Variants in TEX55 observed in about 807,000 individuals in gnomAD.
TEX55 encodes the protein testis expressed 55, also known as testis-specific expressed protein 55.
In TEX55, 31 loss-of-function variants were observed where a neutral mutation model predicts 44.6. The ratio of observed to expected loss-of-function variants is 0.69; its 90% CI spans 0.52 to 0.94. The LOEUF is 0.94. Among genes scored for constraint, TEX55 ranks in the 40% least tolerant of loss-of-function variants. The probability of loss-of-function intolerance (pLI) is 0.00; values close to 1 mark genes in which losing one functional copy is unlikely to be tolerated. For synonymous variants in TEX55, 230 were observed against 230.9 expected (o/e 1.00, Z 0.04); for missense variants, 639 against 638.4 (o/e 1.00, Z -0.01).
chr3:119,146,193 G>C lies in TEX55; in HGVS notation c.4G>C (p.Glu2Gln). The change falls in exon 1 of 3, where the codon GAA becomes CAA. Residue 2 changes from glutamate to glutamine, a missense_variant. Physicochemically the swap from Glu to Gln is conservative, Grantham distance 29. Coordinates refer to ENST00000295622, the MANE Select transcript of TEX55 (RefSeq NM_152539.3). ...CCAGTCAGGGACGCGGCAGGAAATG[G>C]AAGAGCCTCCGCAAGAGGCTCTGGC... M[E>Q]EPPQEALAEP... 1 of 1,600,498 alleles carries C rather than the reference G, an allele frequency of 6.2e-7. No homozygotes were observed.
Position 119,146,485 on chromosome 3 carries a change from A to G in TEX55, c.296A>G (p.Asp99Gly), listed in dbSNP as rs11550908. 214,130 of 1,613,942 alleles carry G rather than the reference A, an allele frequency of 0.13. 14,877 individuals are homozygous for G. The highest frequency in any genetic ancestry group is 0.24 in the East Asian group (10,777 of 44,872). The change falls in exon 1 of 3, where the codon GAC becomes GGC. Residue 99 changes from aspartate (D) to glycine (G), a missense_variant. Asp to Gly is a moderately conservative substitution (Grantham distance 94). Coordinates refer to ENST00000295622, the MANE Select transcript of TEX55 (RefSeq NM_152539.3). ...GCATCCAACCCTGCTGATGTTTCTG[A>G]CCTTAGAGCAGATGATCAGGTTAAT... The part of the protein sequence containing the change: ...RRASNPADVS[D>G]LRADDQVNQT...
In TEX55 at chr3:119,151,259, G is replaced by A. The variant is rs765126215; in HGVS notation, c.1578G>A (p.Glu526=). Residue 526 remains glutamate (E), a synonymous_variant, in exon 3 of 3, where the codon GAG becomes GAA. Coordinates refer to ENST00000295622, the MANE Select transcript of TEX55 (RefSeq NM_152539.3). ...ITENLVYEKP[E]DPLNFMLCQV ...AAAACTTAGTCTATGAAAAGCCAGA[G>A]GACCCCCTGAATTTTATGCTGTGCC... 6.2e-7 allele frequency: 1 copy of A among 1,612,932 alleles called. No homozygotes were observed. Among genetic ancestry groups the A allele is most frequent in the East Asian group, 2.2e-5 (1 of 44,866 alleles).
In TEX55 at chr3:119,147,071, G is replaced by A. The variant is rs1308328123; in HGVS notation, c.882G>A (p.Leu294=). 11 of 1,614,196 alleles carry A rather than the reference G, an allele frequency of 6.8e-6. No homozygotes were observed. The highest frequency in any genetic ancestry group is 8.5e-6 in the Non-Finnish European group (10 of 1,180,028). ...PGTSEQTDLR[L]YGLVDHKTSV... ...CTTCTGAGCAGACTGACCTCAGATT[G>A]TATGGCCTCGTTGACCACAAAACAT... Residue 294 remains leucine (L), a synonymous_variant, in exon 1 of 3, where the codon TTG becomes TTA. Transcript: ENST00000295622.
rs141516225 is a variant in TEX55 at position 119,147,161 on chromosome 3, C to T, written c.972C>T (p.Asp324=). 104 of 1,614,066 alleles carry T rather than the reference C, an allele frequency of 6.4e-5. No homozygotes were observed. In the Middle Eastern group the frequency reaches 2.3e-3, roughly 36 times the overall value. Residue 324 remains aspartate, a synonymous_variant, in exon 1 of 3, where the codon GAC becomes GAT. Coordinates refer to ENST00000295622, the MANE Select transcript of TEX55 (RefSeq NM_152539.3). ...ATELAEHQAI[D]QAHSNADQPP... Reference sequence around the variant, plus strand: ...AACTAGCTGAACACCAGGCTATTGACCAAGCTCATAGTAATGCTGATCAAC... The same window carrying T: ...AACTAGCTGAACACCAGGCTATTGATCAAGCTCATAGTAATGCTGATCAAC...
intron 2 of TEX55, 53 bp from the exon 3 acceptor site, chr3:119,151,171 C>T (rs2077777668): frequency 1.8e-6 from 2 of 1,104,112 alleles, no homozygotes; most frequent in Admixed American, 3.7e-5. Flanking sequence ...TATAACCTGA[C>T]CACATAATTT....
chr3:119,147,583 A>C lies in TEX55; in HGVS notation c.1394A>C (p.Lys465Thr), dbSNP rs752354946. The change falls in exon 1 of 3, where the codon AAA (lysine) becomes ACA (threonine). Residue 465 changes from lysine to threonine, a missense_variant. Lys to Thr is a moderately conservative substitution (Grantham distance 78). Coordinates refer to ENST00000295622, the MANE Select transcript of TEX55 (RefSeq NM_152539.3). ...GAAAAAACTCAAGCCATAGTAACCA[A>C]ATCTGTAAGTTAAATGGGCATTTGA... The part of the protein sequence containing the change: ...SQEKTQAIVT[K>T]SDEFSEIDQG... 6.2e-7 allele frequency: 1 copy of C among 1,611,060 alleles called. No individual in the cohort carries two copies. The highest frequency in any genetic ancestry group is 8.5e-7 in the Non-Finnish European group (1 of 1,178,554).
chr3:119,148,917 A>G (rs916227665), intron 2 of TEX55, among the ~76,000 whole-genome samples: 2 of 152,230 alleles, frequency 1.3e-5, no homozygotes, highest in Admixed American at 1.3e-4. Context: ...AGAGATAAAA[A>G]TGGTACACCT....
chr3:119,151,299 A>T lies in TEX55; in HGVS notation c.*7A>T. The T allele has an allele frequency of 6.2e-7, 1 of 1,611,924 alleles. No individual in the cohort carries two copies. The highest frequency in any genetic ancestry group is 8.5e-7 in the Non-Finnish European group (1 of 1,178,380). Reference sequence around the variant, plus strand: ...TATGCTGTGCCAGGTATAGAATTGGAGAAAAAGAACAACCTTTTTATTCTC... The same window carrying T: ...TATGCTGTGCCAGGTATAGAATTGGTGAAAAAGAACAACCTTTTTATTCTC... On this transcript the variant is annotated 3_prime_UTR_variant, in exon 3 of 3. Coordinates refer to ENST00000295622, the MANE Select transcript of TEX55 (RefSeq NM_152539.3).
At position 119,146,881 on chromosome 3, in the gene TEX55, C is replaced by T. The variant is rs1448812891; in HGVS notation, c.692C>T (p.Ser231Phe). Residue 231 changes from serine (S) to phenylalanine (F), a missense_variant, in exon 1 of 3, where the codon TCC becomes TTC. Transcript: ENST00000295622. ...RPSVQIDSGS[S>F]VPSDQSPSVQ... The stretch of plus-strand genomic sequence containing the variant: ...TCTGTGCAGATTGACAGTGGGTCAT[C>T]CGTCCCATCTGACCAAAGTCCTTCT... The T allele has an allele frequency of 6.2e-7, 1 of 1,614,132 alleles. No individual in the cohort carries two copies. The highest frequency in any genetic ancestry group is 1.3e-5 in the African/African-American group (1 of 75,028).
Position 119,146,491 on chromosome 3 carries a change from G to C in TEX55, c.302G>C (p.Arg101Thr). 2 of 1,614,084 alleles carry C rather than the reference G, an allele frequency of 1.2e-6. No homozygotes were observed. Among genetic ancestry groups the C allele is most frequent in the Middle Eastern group, 1.6e-4 (1 of 6,062 alleles). ...AACCCTGCTGATGTTTCTGACCTTA[G>C]AGCAGATGATCAGGTTAATCAAACA... ...ASNPADVSDL[R>T]ADDQVNQTPS... is the part of the protein sequence containing the mutation. The change falls in exon 1 of 3, where the codon AGA becomes ACA. Residue 101 changes from arginine (R) to threonine (T), a missense_variant. Coordinates refer to ENST00000295622, the MANE Select transcript of TEX55 (RefSeq NM_152539.3).
At chr3:119,148,438 TAGTTACCATA>T in intron 2 of TEX55, 115 bp downstream of exon 2, 1 of 968,390 alleles carries the variant, frequency 1.0e-6, no homozygotes, top group Non-Finnish European at 1.5e-6. Context: ...CATTAAGATG[TAGTTACCATA>T]AGTAGTAAAT....
intron 2 of TEX55, among the ~76,000 whole-genome samples, chr3:119,148,689 A>G (rs9831616): frequency 0.17 from 25,579 of 152,258 alleles, 2,627 homozygotes; most frequent in Non-Finnish European, 0.24. Flanking sequence ...TGAAACATGC[A>G]TCATTAGGCA....
Position 119,146,272 on chromosome 3 carries a change from A to G in TEX55, c.83A>G (p.Lys28Arg), listed in dbSNP as rs1365391033. Residue 28 changes from lysine to arginine, a missense_variant, in exon 1 of 3, where the codon AAG (lysine) becomes AGG (arginine). Lys to Arg is a conservative substitution (Grantham distance 26). Transcript: ENST00000295622. Reference protein sequence around the residue: ...PAAPSSAGHTKGQEEDDQKNQ... With the variant: ...PAAPSSAGHTRGQEEDDQKNQ... ...GCTCCCTCAAGTGCTGGCCACACTAAGGGCCAGGAAGAAGACGACCAGAAG... is the reference window on the plus strand; with the variant it reads ...GCTCCCTCAAGTGCTGGCCACACTAGGGGCCAGGAAGAAGACGACCAGAAG... 1.9e-6 allele frequency: 3 copies of G among 1,613,732 alleles called. No homozygotes were observed. Among genetic ancestry groups the G allele is most frequent in the Non-Finnish European group, 2.5e-6 (3 of 1,179,954 alleles).
chr3:119,147,878 A>G (rs2077745013), intron 1 of TEX55, among the ~76,000 whole-genome samples: 1 of 152,216 alleles, frequency 6.6e-6, no homozygotes, highest in African/African-American at 2.4e-5. Flanking sequence ...ACTCTGTGAT[A>G]TTAAGTCATT....
intron 2 of TEX55, among the ~76,000 whole-genome samples, chr3:119,149,362 A>G (rs1172359221): frequency 6.6e-6 from 1 of 152,170 alleles, no homozygotes; most frequent in Non-Finnish European, 1.5e-5. Context: ...GATCATCAAT[A>G]TCACTGTCTT....
intron 2 of TEX55, among the ~76,000 whole-genome samples, chr3:119,149,259 A>C (rs763204864): frequency 6.6e-6 from 1 of 152,278 alleles, no homozygotes; most frequent in Non-Finnish European, 1.5e-5. Context: ...TTCTATTTTT[A>C]AATTTTTTTT....
At chr3:119,147,691 G>A in intron 1 of TEX55, 104 bp downstream of exon 1, 1 of 974,382 alleles carries the variant, frequency 1.0e-6, no homozygotes, top group Non-Finnish European at 1.5e-6. Flanking sequence ...GTTGCATCAA[G>A]GATAAAGAAT....
intron 1 of TEX55, among the ~76,000 whole-genome samples, chr3:119,147,807 A>G (rs2077744280): frequency 6.6e-6 from 1 of 152,218 alleles, no homozygotes; most frequent in South Asian, 2.1e-4. Flanking sequence ...AAGGCCATTC[A>G]GGAAGGATTA....
Position 119,147,191 on chromosome 3 carries a change from A to G in TEX55, c.1002A>G (p.Pro334=). Residue 334 remains proline, a synonymous_variant, in exon 1 of 3, where the codon CCA becomes CCG. Transcript: ENST00000295622. ...DQAHSNADQP[P]VDNAHYTESD... ...CTCATAGTAATGCTGATCAACCTCC[A>G]GTTGACAATGCTCACTACACTGAAT... 6.2e-7 allele frequency: 1 copy of G among 1,614,158 alleles called. No individual in the cohort carries two copies.
Sources: gnomAD v4.1 joint callset for allele counts (sites outside exome capture counted in the v4.1 genomes callset) on GRCh38, gnomAD v4.1.1 for gene constraint, MANE v1.5 for transcripts, NCBI Gene and HGNC (gene_info 2026-07-23, HGNC 2026-07-21) for gene names.